The following ERBB4 variants were observed in gnomAD, a reference collection of about 807,000 sequenced individuals.
The protein encoded by ERBB4 is erb-b2 receptor tyrosine kinase 4, also known as receptor tyrosine-protein kinase erbB-4.
In ERBB4, 42 loss-of-function variants were observed where a neutral mutation model predicts 158.0. The observed-to-expected ratio is 0.27, with a 90% CI of 0.21 to 0.34. The LOEUF is 0.34. Ranked by LOEUF, ERBB4 falls within the 10% of genes least tolerant of loss-of-function variation. ERBB4 has a pLI of 1.00. For synonymous variants in ERBB4, 583 were observed against 558.7 expected (o/e 1.04, Z -0.61); for missense variants, 1,333 against 1,624.1 (o/e 0.82, Z 3.08).
At chr2:212,504,914 A>C (rs1318667106) in intron 1 of ERBB4, among the ~76,000 whole-genome samples, 1 of 152,232 alleles carries the variant, frequency 6.6e-6, no homozygotes, top group Non-Finnish European at 1.5e-5. Context: ...GTAATATTTT[A>C]ATTAAAAAAA....
At chr2:212,353,717 G>C (rs1026457923) in intron 1 of ERBB4, among the ~76,000 whole-genome samples, 4 of 152,036 alleles carry the variant, frequency 2.6e-5, no homozygotes, top group African/African-American at 9.7e-5. Context: ...TGTGTATGGG[G>C]AAATAAATTA....
At chr2:211,954,070 TG>T (rs1427744915) in intron 2 of ERBB4, among the ~76,000 whole-genome samples, 2 of 152,064 alleles carry the variant, frequency 1.3e-5, no homozygotes, top group Non-Finnish European at 2.9e-5. Context: ...TTTACATTTA[TG>T]CTTCATTCCA....
intron 1 of ERBB4, among the ~76,000 whole-genome samples, chr2:212,450,821 G>GAAAA (rs57931477): frequency 1.1e-4 from 10 of 92,842 alleles, no homozygotes; most frequent in African/African-American, 3.4e-4. Flanking sequence ...TTTCAGCCGA[G>GAAAA]AAAAAAAAAA....
At chr2:211,559,026 T>G (rs149850645) in intron 20 of ERBB4, among the ~76,000 whole-genome samples, 98 of 152,280 alleles carry the variant, frequency 6.4e-4, no homozygotes, top group Middle Eastern at 3.4e-3. Flanking sequence ...CCCAGTTTCA[T>G]GTTCTATAAA....
At chr2:211,839,302 T>G (rs956167933) in intron 3 of ERBB4, among the ~76,000 whole-genome samples, 1 of 151,918 alleles carries the variant, frequency 6.6e-6, no homozygotes, top group Non-Finnish European at 1.5e-5. Flanking sequence ...TTCTCTTCTG[T>G]GCCTTAAGCT....
chr2:212,401,805 A>G (rs1011708750), intron 1 of ERBB4, among the ~76,000 whole-genome samples: 1 of 152,110 alleles, frequency 6.6e-6, no homozygotes, highest in African/African-American at 2.4e-5. Context: ...AAGGCCACAA[A>G]CATAATTATT....
At chr2:211,718,222 AT>A (rs1035687045) in intron 7 of ERBB4, among the ~76,000 whole-genome samples, 8 of 152,124 alleles carry the variant, frequency 5.3e-5, no homozygotes, top group African/African-American at 1.9e-4. Context: ...AGAAGATATA[AT>A]TTTTATAACC....
chr2:211,414,881 T>A (rs943615977), intron 25 of ERBB4, among the ~76,000 whole-genome samples: 1 of 152,130 alleles, frequency 6.6e-6, no homozygotes, highest in African/African-American at 2.4e-5. Context: ...ATTATTTTTT[T>A]AAACTCTTAA....
At chr2:212,100,116 T>G (rs1386610199) in intron 2 of ERBB4, among the ~76,000 whole-genome samples, 2 of 152,236 alleles carry the variant, frequency 1.3e-5, no homozygotes, top group African/African-American at 4.8e-5. Flanking sequence ...CTTTTTTTTG[T>G]TGTTTCTTTG....
intron 3 of ERBB4, among the ~76,000 whole-genome samples, chr2:211,879,633 G>A (rs115816625): frequency 2.0e-5 from 3 of 152,126 alleles, no homozygotes; most frequent in Admixed American, 2.0e-4. Flanking sequence ...TTCTTGGTGA[G>A]ACTGCCCTTT....
intron 14 of ERBB4, 152 bp downstream of exon 14, chr2:211,673,012 C>T (rs923365441): frequency 7.4e-6 from 5 of 678,762 alleles, no homozygotes; most frequent in Middle Eastern, 6.6e-4. Context: ...ATCTCTACTA[C>T]TAAACTTTAA....
At chr2:212,263,058 A>G (rs571202226) in intron 1 of ERBB4, among the ~76,000 whole-genome samples, 4 of 152,268 alleles carry the variant, frequency 2.6e-5, no homozygotes, top group Middle Eastern at 3.4e-3. Flanking sequence ...AATCTTTTGA[A>G]ATATCTTACA....
At chr2:212,137,931 G>A (rs192433738) in intron 1 of ERBB4, among the ~76,000 whole-genome samples, 28 of 152,172 alleles carry the variant, frequency 1.8e-4, no homozygotes, top group East Asian at 5.8e-4. Flanking sequence ...TCGTTTATTC[G>A]TTCTGTCACG....
intron 3 of ERBB4, among the ~76,000 whole-genome samples, chr2:211,905,738 G>GTA (rs1469524984): frequency 3.7e-5 from 4 of 108,238 alleles, no homozygotes; most frequent in Non-Finnish European, 3.8e-5. Context: ...GTGTGTGCAT[G>GTA]TGTGTGTATA....
intron 16 of ERBB4, among the ~76,000 whole-genome samples, chr2:211,634,537 G>A (rs939033648): frequency 3.9e-5 from 6 of 151,986 alleles, no homozygotes; most frequent in African/African-American, 1.5e-4. Flanking sequence ...TTTATGCTTA[G>A]CTCCTTTTAT....
chr2:211,736,475 C>A (rs910566996), intron 5 of ERBB4, among the ~76,000 whole-genome samples: 7 of 152,108 alleles, frequency 4.6e-5, no homozygotes, highest in Non-Finnish European at 7.4e-5. Flanking sequence ...TTGCAACCAG[C>A]AATCTGAAAG....
chr2:211,773,633 TA>T (rs1275509011), intron 4 of ERBB4, among the ~76,000 whole-genome samples: 5,474 of 102,812 alleles, frequency 0.053, 384 homozygotes, highest in East Asian at 0.17. Flanking sequence ...TATATATATA[TA>T]TATATATATA....
At chr2:212,243,935 T>C (rs1280551657) in intron 1 of ERBB4, among the ~76,000 whole-genome samples, 1 of 152,176 alleles carries the variant, frequency 6.6e-6, no homozygotes, top group Non-Finnish European at 1.5e-5. Flanking sequence ...TATAGTTGTA[T>C]GAGGAAAGGT....
chr2:212,267,040 T>A (rs2085161101), intron 1 of ERBB4, among the ~76,000 whole-genome samples: 1 of 151,944 alleles, frequency 6.6e-6, no homozygotes, highest in Admixed American at 6.6e-5. Flanking sequence ...TGCCTAAATA[T>A]GTAGTGTAGA....
Sources: gnomAD v4.1 joint callset for allele counts (sites outside exome capture counted in the v4.1 genomes callset) on GRCh38, gnomAD v4.1.1 for gene constraint, MANE v1.5 for transcripts, NCBI Gene and HGNC (gene_info 2026-07-23, HGNC 2026-07-21) for gene names.